RASA2: variants seen among roughly 807,000 people sequenced by gnomAD.
RASA2 encodes the protein RAS p21 protein activator 2, also known as ras GTPase-activating protein 2.
Under a neutral mutation model 118.2 loss-of-function variants are expected in RASA2, and 155 were observed. The observed-to-expected ratio is 1.31, with a 90% CI of 1.15 to 1.50. RASA2 has a LOEUF of 1.50. RASA2 is among the 40% of genes most tolerant of loss of function. The pLI, the probability that RASA2 is intolerant of heterozygous loss-of-function variation, is 0.00. For synonymous variants in RASA2, 353 were observed against 349.1 expected (o/e 1.01, Z -0.12); for missense variants, 1,016 against 1,009.6 (o/e 1.01, Z -0.09).
chr3:141,555,823 C>A lies in RASA2; in HGVS notation c.612-17C>A. The A allele has an allele frequency of 6.2e-7, 1 of 1,603,914 alleles. No homozygotes were observed. The highest frequency in any genetic ancestry group is 8.5e-7 in the Non-Finnish European group (1 of 1,173,132). ...CTGTTAAGTTCTACAAGGTAAAACT[C>A]TACCACATTGGAACAGGAATGACCA... On this transcript the variant is annotated splice_polypyrimidine_tract_variant and intron_variant, in intron 6 of 23. Transcript: ENST00000286364.
At chr3:141,533,778 T>C (rs955212497) in intron 4 of RASA2, among the ~76,000 whole-genome samples, 1 of 152,200 alleles carries the variant, frequency 6.6e-6, no homozygotes, top group Non-Finnish European at 1.5e-5. Flanking sequence ...ATTCTACCTT[T>C]TGTAATTTTT....
chr3:141,591,083 C>T (rs868237851), intron 19 of RASA2, among the ~76,000 whole-genome samples: 1 of 152,146 alleles, frequency 6.6e-6, no homozygotes, highest in Non-Finnish European at 1.5e-5. Flanking sequence ...TCATCTTCTA[C>T]AAGTAAAAGT....
At chr3:141,543,402 T>C (rs186232002) in intron 5 of RASA2, among the ~76,000 whole-genome samples, 121 of 152,298 alleles carry the variant, frequency 7.9e-4, no homozygotes, top group African/African-American at 2.8e-3. Context: ...CATCAAACAA[T>C]GTTATAATTT....
At chr3:141,535,937 T>C (rs2082319867) in intron 4 of RASA2, among the ~76,000 whole-genome samples, 1 of 152,190 alleles carries the variant, frequency 6.6e-6, no homozygotes, top group Non-Finnish European at 1.5e-5. Flanking sequence ...GTTCATCTTA[T>C]TTTCCCAAAC....
In RASA2 at chr3:141,492,869, C is replaced by T. The variant is rs946158858; in HGVS notation, c.133+5653C>T. ...ACATATCGAAGGGTCTGTTAAGAGA[C>T]GCTAACCCACTGGACTGAAATGGGC... On this transcript the variant is annotated intron_variant, in intron 1 of 23. Transcript: ENST00000286364. Among the ~76,000 whole-genome samples, 28 of 152,104 alleles carry T rather than the reference C, an allele frequency of 1.8e-4. 1 individual carries two copies. The highest frequency in any genetic ancestry group is 2.9e-5 in the Non-Finnish European group (2 of 68,018).
intron 16 of RASA2, among the ~76,000 whole-genome samples, chr3:141,580,888 T>C (rs1002415958): frequency 1.3e-4 from 20 of 150,148 alleles, no homozygotes; most frequent in African/African-American, 4.9e-4. Context: ...CAAGAGAGCC[T>C]AGTAAGGAGG....
In RASA2 at chr3:141,516,782, T is replaced by C. The variant is rs550857244; in HGVS notation, c.355+351T>C. On this transcript the variant is annotated intron_variant, in intron 3 of 23. Coordinates refer to ENST00000286364, the MANE Select transcript of RASA2 (RefSeq NM_006506.5). ...AAAAGGGCAGGGACTCTTTTTTTGT[T>C]TTTTTTTTTGACACAGAATCTTGCT... Among the ~76,000 whole-genome samples the C allele has an allele frequency of 2.4e-3, 362 of 149,468 alleles. 3 individuals are homozygous for C. Among genetic ancestry groups the C allele is most frequent in the African/African-American group, 8.3e-3 (339 of 40,850 alleles).
At chr3:141,602,389 T>C (rs2083478168) in intron 19 of RASA2, among the ~76,000 whole-genome samples, 1 of 152,192 alleles carries the variant, frequency 6.6e-6, no homozygotes, top group Non-Finnish European at 1.5e-5. Context: ...CGTTTCACAA[T>C]AGGATTTGCA....
At chr3:141,550,885 A>T (rs2082564483) in intron 5 of RASA2, among the ~76,000 whole-genome samples, 1 of 152,176 alleles carries the variant, frequency 6.6e-6, no homozygotes, top group Admixed American at 6.5e-5. Context: ...TCTCATGTCT[A>T]TCCAACTCCT....
At chr3:141,502,519 C>A (rs2081799479) in intron 1 of RASA2, among the ~76,000 whole-genome samples, 1 of 152,142 alleles carries the variant, frequency 6.6e-6, no homozygotes. Flanking sequence ...TTCACTGCCT[C>A]CTCGATGGTG....
intron 19 of RASA2, among the ~76,000 whole-genome samples, chr3:141,603,774 C>T (rs1425692241): frequency 1.3e-5 from 2 of 152,140 alleles, no homozygotes; most frequent in African/African-American, 4.8e-5. Flanking sequence ...CCTCTGACAA[C>T]CACTAATATA....
chr3:141,572,486 G>T (rs1215435773), intron 11 of RASA2, 123 bp from the exon 12 acceptor site: 3 of 639,824 alleles, frequency 4.7e-6, no homozygotes, highest in Middle Eastern at 3.6e-4. Context: ...GGTCACTTAT[G>T]CCTTCTAGTA....
intron 1 of RASA2, among the ~76,000 whole-genome samples, chr3:141,509,021 T>C (rs925779812): frequency 5.3e-5 from 8 of 152,232 alleles, no homozygotes; most frequent in Non-Finnish European, 1.0e-4. Flanking sequence ...ATATTACTTT[T>C]ATTATATCTG....
intron 21 of RASA2, 45 bp from the exon 22 acceptor site, chr3:141,609,375 A>G: frequency 8.0e-7 from 1 of 1,250,166 alleles, no homozygotes; most frequent in Admixed American, 2.4e-5. Context: ...CATGTTAACA[A>G]AATAAAATTT....
rs200071023 is a variant in RASA2 at position 141,580,494 on chromosome 3, G to T, written c.1674+43G>T. On this transcript the variant is annotated intron_variant, in intron 16 of 23. Transcript: ENST00000286364. ...TTATTTTGTTTTTACACTTCTAAAT[G>T]TTGTTACATCCTATGATCCCTTATC... The T allele has an allele frequency of 1.4e-5, 20 of 1,452,128 alleles. No individual in the cohort carries two copies. The African/African-American group carries it at 2.8e-4, about 21-fold the overall frequency. 90.0% of individuals were successfully genotyped at this position (1,452,128 alleles called of 1,614,324 possible).
chr3:141,590,165 CT>C (rs776253943), intron 19 of RASA2: 1 of 456,480 alleles, frequency 2.2e-6, no homozygotes, highest in Non-Finnish European at 4.4e-6. Context: ...TTCTAGATGA[CT>C]TGGGGCTACC....
At chr3:141,585,111 GATTCTTAACCTATAATAA>G (rs774252103) in intron 17 of RASA2, among the ~76,000 whole-genome samples, 139 of 152,128 alleles carry the variant, frequency 9.1e-4, no homozygotes, top group Non-Finnish European at 1.7e-3. Context: ...ATACTTTGGT[GATTCTTAACCTATAATAA>G]AGGTTCACAA....
chr3:141,524,078 A>T (rs2082150571), intron 3 of RASA2, among the ~76,000 whole-genome samples: 1 of 152,220 alleles, frequency 6.6e-6, no homozygotes, highest in Admixed American at 6.5e-5. Flanking sequence ...TACTGGCTTA[A>T]TACAGCAACC....
rs117283527 is a variant in RASA2 at position 141,566,332 on chromosome 3, A to T, written c.864-4580A>T. Among the ~76,000 whole-genome samples, 217 of 152,350 alleles carry T rather than the reference A, an allele frequency of 1.4e-3. 7 individuals carry two copies. The East Asian group carries it at 0.024, about 17-fold the overall frequency. On this transcript the variant is annotated intron_variant, in intron 9 of 23. Transcript: ENST00000286364. ...CATTCTTGCCAGAACATCAAATCTG[A>T]ATCTAACCAAGCCTCTAGATCTAAC...
Sources: gnomAD v4.1 joint callset for allele counts (sites outside exome capture counted in the v4.1 genomes callset) on GRCh38, gnomAD v4.1.1 for gene constraint, MANE v1.5 for transcripts, NCBI Gene and HGNC (gene_info 2026-07-23, HGNC 2026-07-21) for gene names.